Variants in SYCE1L observed in about 807,000 individuals in gnomAD.
SYCE1L encodes synaptonemal complex central element protein 1-like.
In SYCE1L, 51 loss-of-function variants were observed where a neutral mutation model predicts 39.6. The ratio of observed to expected loss-of-function variants is 1.29; its 90% CI spans 1.03 to 1.63. The LOEUF is 1.63. SYCE1L is among the 40% of genes most tolerant of loss of function. The pLI is 0.00. For synonymous variants in SYCE1L, 147 were observed against 122.4 expected (o/e 1.20, Z -1.33); for missense variants, 426 against 304.9 (o/e 1.40, Z -2.96).
intron 1 of SYCE1L, among the ~76,000 whole-genome samples, chr16:77,203,081 G>A (rs1420163495): frequency 6.6e-6 from 1 of 152,092 alleles, no homozygotes; most frequent in Non-Finnish European, 1.5e-5. Context: ...GTGAGATTTA[G>A]GATTAAGGAG....
At chr16:77,203,372 T>A (rs1170402274) in intron 1 of SYCE1L, among the ~76,000 whole-genome samples, 10 of 151,638 alleles carry the variant, frequency 6.6e-5, no homozygotes, top group Admixed American at 3.9e-4. Flanking sequence ...ATTTAAAAAT[T>A]AAAATGCAAA....
Position 77,212,306 on chromosome 16 carries a change from G to A in SYCE1L, c.518G>A (p.Arg173Gln), listed in dbSNP as rs936503255. 6.6e-7 allele frequency: 1 copy of A among 1,524,852 alleles called. No homozygotes were observed. Among genetic ancestry groups the A allele is most frequent in the Non-Finnish European group, 8.8e-7 (1 of 1,137,406 alleles). The allele number at this position is 1,524,852 out of a possible 1,614,324, so 94.5% of individuals were successfully genotyped here. Residue 173 changes from arginine to glutamine, a missense_variant, in exon 9 of 11, where the codon CGG becomes CAG. Transcript: ENST00000378644. ...GGGAGGCTGGTGCGCGCCAAGCTGCGGGAGGTGGAGCGGCGGCTGCACTCG... is the reference window on the plus strand; with the variant it reads ...GGGAGGCTGGTGCGCGCCAAGCTGCAGGAGGTGGAGCGGCGGCTGCACTCG... The part of the protein sequence containing the change: ...SERRLVRAKL[R>Q]EVERRLHSPP...
chr16:77,210,768 G>A (rs1037843397), intron 6 of SYCE1L, among the ~76,000 whole-genome samples: 6 of 152,060 alleles, frequency 3.9e-5, no homozygotes, highest in African/African-American at 7.2e-5. Context: ...GGCCCATGAA[G>A]GTTCTCATTC....
At position 77,212,160 on chromosome 16, in the gene SYCE1L, C is replaced by G. The variant is rs569118734; in HGVS notation, c.454C>G (p.Arg152Gly). ...GGAGCAGCGACTGGCCCGGGAGATC[C>G]GTGCCCTGGAGAGAAGCAAGGAGCA... ...MLEQRLAREI[R>G]ALERSKEQLL... The change falls in exon 8 of 11, where the codon CGT becomes GGT. Residue 152 changes from arginine (R) to glycine (G), a missense_variant. By Grantham distance (125) the Arg-to-Gly change is moderately radical. Transcript: ENST00000378644. 7.1e-6 allele frequency: 11 copies of G among 1,549,224 alleles called. No individual in the cohort carries two copies. The highest frequency in any genetic ancestry group is 4.8e-5 in the South Asian group (4 of 83,974).
At chr16:77,205,165 G>A (rs1408446518) in intron 1 of SYCE1L, among the ~76,000 whole-genome samples, 2 of 151,744 alleles carry the variant, frequency 1.3e-5, no homozygotes, top group Non-Finnish European at 2.9e-5. Flanking sequence ...GAGGAGAATT[G>A]GAGAACTTAA....
Position 77,208,556 on chromosome 16 carries a change from G to A in SYCE1L, c.256+17G>A, listed in dbSNP as rs774104886. The A allele has an allele frequency of 2.3e-5, 35 of 1,551,252 alleles. No individual in the cohort carries two copies. Among genetic ancestry groups the A allele is most frequent in the South Asian group, 7.1e-5 (6 of 84,054 alleles). On this transcript the variant is annotated intron_variant, in intron 4 of 10. Coordinates refer to ENST00000378644, the MANE Select transcript of SYCE1L (RefSeq NM_001129979.3). ...TAGACTCCTGTAAGTGGGGCCAAAA[G>A]AGGGACCCATCAACACTGCAGATGT... is the stretch of plus-strand genomic sequence containing the variant.
intron 1 of SYCE1L, among the ~76,000 whole-genome samples, chr16:77,206,168 C>G (rs1430539335): frequency 6.6e-6 from 1 of 152,198 alleles, no homozygotes. Flanking sequence ...ATTCTCTTCT[C>G]TCACCCCTGA....
At chr16:77,210,168 T>C (rs943088266) in intron 6 of SYCE1L, among the ~76,000 whole-genome samples, 4 of 152,180 alleles carry the variant, frequency 2.6e-5, no homozygotes, top group African/African-American at 9.7e-5. Context: ...TCCTCCCGAG[T>C]AGCTGAGATT....
At chr16:77,212,822 G>A in intron 10 of SYCE1L, 35 bp from the exon 11 acceptor site, 2 of 1,451,898 alleles carry the variant, frequency 1.4e-6, no homozygotes, top group Non-Finnish European at 1.8e-6. Context: ...AGGAGCGTAG[G>A]AACCTGGTCC....
chr16:77,202,278 T>C (rs1044604240), intron 1 of SYCE1L: 1 of 152,192 alleles, frequency 6.6e-6, no homozygotes, highest in African/African-American at 2.4e-5. Context: ...CTGCAACTTA[T>C]TGTTCAGAAT....
At chr16:77,208,077 A>T (rs2054797834) in intron 2 of SYCE1L, 133 bp from the exon 3 acceptor site, 3 of 864,696 alleles carry the variant, frequency 3.5e-6, no homozygotes, top group East Asian at 5.3e-5. Flanking sequence ...GGGCTCTGGC[A>T]GAGCTCAACA....
At chr16:77,207,413 AGG>A (rs996684791) in intron 2 of SYCE1L, among the ~76,000 whole-genome samples, 2 of 48,868 alleles carry the variant, frequency 4.1e-5, no homozygotes, top group Non-Finnish European at 1.5e-4. Context: ...GCACTGAAAC[AGG>A]GGCTATGAGA....
In SYCE1L at chr16:77,213,035, C is replaced by G; in HGVS notation, c.*104C>G. ...CGTTCTCCGCGGAGTCTGTGCTACA[C>G]CGTGGAGCGGGGCGGGGCGTGCTGG... On this transcript the variant is annotated 3_prime_UTR_variant, in exon 11 of 11. Coordinates refer to ENST00000378644, the MANE Select transcript of SYCE1L (RefSeq NM_001129979.3). 1 of 1,181,148 alleles carries G rather than the reference C, an allele frequency of 8.5e-7. No individual in the cohort carries two copies. Among genetic ancestry groups the G allele is most frequent in the Non-Finnish European group, 1.1e-6 (1 of 908,032 alleles). The allele number at this position is 1,181,148 out of a possible 1,614,324, so 73.2% of individuals were successfully genotyped here.
intron 2 of SYCE1L, among the ~76,000 whole-genome samples, chr16:77,207,513 C>T (rs2054793690): frequency 6.6e-6 from 1 of 152,176 alleles, no homozygotes; most frequent in Admixed American, 6.5e-5. Context: ...AGCAGGGATT[C>T]CCCATTTCTC....
chr16:77,212,932 G>A lies in SYCE1L; in HGVS notation c.*1G>A. ...GGTGGCTGCCCCTGACGCCCTCTAG[G>A]CCAGCAGGACCCGCCCGTTCCCGAC... On this transcript the variant is annotated 3_prime_UTR_variant, in exon 11 of 11. Transcript: ENST00000378644. The A allele has an allele frequency of 6.6e-7, 1 of 1,518,334 alleles. No homozygotes were observed. Among genetic ancestry groups the A allele is most frequent in the East Asian group, 2.5e-5 (1 of 39,712 alleles). 94.1% of individuals were successfully genotyped at this position (1,518,334 alleles called of 1,614,324 possible).
At chr16:77,200,287 TATATACACAC>T (rs2054723069) in intron 1 of SYCE1L, 1 of 126,858 alleles carries the variant, frequency 7.9e-6, no homozygotes, top group Non-Finnish European at 1.6e-5. Context: ...TATATATATA[TATATACACAC>T]ACTAATCAGC....
chr16:77,213,177 G>A lies in SYCE1L; in HGVS notation c.*246G>A. ...GAGTAAGTGGGTGTCAGTATCCCCC[G>A]CCCCACGGCCTCATCTCGAGTTCCC... On this transcript the variant is annotated 3_prime_UTR_variant, in exon 11 of 11. Coordinates refer to ENST00000378644, the MANE Select transcript of SYCE1L (RefSeq NM_001129979.3). The A allele has an allele frequency of 2.5e-6, 1 of 395,292 alleles. No individual in the cohort carries two copies. Among genetic ancestry groups the A allele is most frequent in the Non-Finnish European group, 4.5e-6 (1 of 224,022 alleles). The allele number at this position is 395,292 out of a possible 1,614,324, so 24.5% of individuals were successfully genotyped here.
chr16:77,203,329 C>T (rs2054759932), intron 1 of SYCE1L, among the ~76,000 whole-genome samples: 1 of 151,810 alleles, frequency 6.6e-6, no homozygotes, highest in South Asian at 2.1e-4. Context: ...ATTTGTTTAT[C>T]ATGTAAGTTA....
In SYCE1L at chr16:77,208,280, G is replaced by A; in HGVS notation, c.181+11G>A. ...ATGATCTTCAGCAAGGTAAACTTGGGGACTTAGACTGGCCAGCTGGGGCGA... is the reference window on the plus strand; with the variant it reads ...ATGATCTTCAGCAAGGTAAACTTGGAGACTTAGACTGGCCAGCTGGGGCGA... On this transcript the variant is annotated intron_variant, in intron 3 of 10. Coordinates refer to ENST00000378644, the MANE Select transcript of SYCE1L (RefSeq NM_001129979.3). 1 of 1,551,510 alleles carries A rather than the reference G, an allele frequency of 6.4e-7. No individual in the cohort carries two copies.
Sources: allele counts gnomAD v4.1 joint callset (sites outside exome capture counted in the v4.1 genomes callset), GRCh38; gene constraint gnomAD v4.1.1; transcripts MANE v1.5; gene names NCBI Gene and HGNC (gene_info 2026-07-23, HGNC 2026-07-21).